The following AHCYL2 variants were observed in gnomAD, a reference collection of about 807,000 sequenced individuals.
The protein encoded by AHCYL2 is S-adenosylhomocysteine hydrolase-like protein 2.
Under a neutral mutation model 81.4 loss-of-function variants are expected in AHCYL2, and 28 were observed. The ratio of observed to expected loss-of-function variants is 0.34; its 90% CI spans 0.25 to 0.47. The LOEUF (loss-of-function observed/expected upper bound fraction) is 0.47. AHCYL2 is among the 20% of genes least tolerant of loss of function. AHCYL2 has a pLI of 1.00. For missense variants in AHCYL2, 551 were observed against 785.1 expected, an observed-to-expected ratio of 0.70 and a Z score of 3.56; for synonymous variants, 272 against 290.2, an observed-to-expected ratio of 0.94 and a Z score of 0.64.
intron 1 of AHCYL2, among the ~76,000 whole-genome samples, chr7:129,304,338 A>C (rs530742546): frequency 2.2e-4 from 34 of 152,336 alleles, no homozygotes; most frequent in African/African-American, 7.7e-4. Flanking sequence ...TGTACTGAGG[A>C]GAAGAATGTG....
intron 1 of AHCYL2, among the ~76,000 whole-genome samples, chr7:129,274,145 G>C (rs1584730899): frequency 6.6e-6 from 1 of 152,206 alleles, no homozygotes. Context: ...TAACTGTTAT[G>C]TGTCTCCTGT....
intron 1 of AHCYL2, among the ~76,000 whole-genome samples, chr7:129,349,990 C>T (rs571055083): frequency 2.6e-5 from 4 of 152,318 alleles, no homozygotes; most frequent in African/African-American, 9.6e-5. Flanking sequence ...CTCAGATGTA[C>T]ATTTAGTTAT....
chr7:129,358,860 A>G (rs1206564737), intron 1 of AHCYL2, among the ~76,000 whole-genome samples: 8 of 152,214 alleles, frequency 5.3e-5, no homozygotes, highest in Admixed American at 3.9e-4. Context: ...GGCTAAAATG[A>G]CAGAGGCCAA....
intron 13 of AHCYL2, 58 bp from the exon 14 acceptor site, chr7:129,424,816 T>A (rs1457729072): frequency 6.3e-7 from 1 of 1,595,090 alleles, no homozygotes; most frequent in Non-Finnish European, 8.6e-7. Flanking sequence ...CTTCCCTCAC[T>A]TCTCAAAGGC....
At chr7:129,303,513 T>A (rs777655825) in intron 1 of AHCYL2, among the ~76,000 whole-genome samples, 9 of 152,236 alleles carry the variant, frequency 5.9e-5, no homozygotes, top group Non-Finnish European at 1.2e-4. Flanking sequence ...GTCTTCTTTT[T>A]CATCTCTGAT....
At chr7:129,290,927 C>T (rs1454031391) in intron 1 of AHCYL2, among the ~76,000 whole-genome samples, 2 of 149,204 alleles carry the variant, frequency 1.3e-5, no homozygotes, top group Non-Finnish European at 3.0e-5. Flanking sequence ...GAGACTCCAT[C>T]TCAAAAAAAA....
intron 2 of AHCYL2, among the ~76,000 whole-genome samples, chr7:129,385,530 CA>C (rs1795162404): frequency 6.6e-6 from 1 of 152,170 alleles, no homozygotes; most frequent in Non-Finnish European, 1.5e-5. Context: ...AATAATGAAA[CA>C]AGATAACATC....
At chr7:129,399,994 G>A (rs1189980291) in intron 5 of AHCYL2, among the ~76,000 whole-genome samples, 2 of 152,108 alleles carry the variant, frequency 1.3e-5, no homozygotes, top group African/African-American at 2.4e-5. Flanking sequence ...CCAAGGTGCT[G>A]GGATTTCAGG....
intron 1 of AHCYL2, among the ~76,000 whole-genome samples, chr7:129,324,625 C>T (rs968630246): frequency 1.3e-5 from 2 of 152,198 alleles, no homozygotes; most frequent in South Asian, 4.1e-4. Context: ...ACGCCATTCT[C>T]CTGCCTCAGC....
intron 1 of AHCYL2, among the ~76,000 whole-genome samples, chr7:129,305,677 A>G (rs1273995798): frequency 6.6e-6 from 1 of 152,164 alleles, no homozygotes; most frequent in Non-Finnish European, 1.5e-5. Flanking sequence ...TCTGTGTACT[A>G]TTACCAGTGA....
At chr7:129,356,758 G>A (rs1373526839) in intron 1 of AHCYL2, among the ~76,000 whole-genome samples, 1 of 152,104 alleles carries the variant, frequency 6.6e-6, no homozygotes, top group Non-Finnish European at 1.5e-5. Context: ...GATTAAGAAG[G>A]GAGGGTCTCT....
intron 1 of AHCYL2, among the ~76,000 whole-genome samples, chr7:129,236,172 G>A (rs71577839): frequency 5.4e-4 from 82 of 151,500 alleles, no homozygotes; most frequent in Non-Finnish European, 4.4e-5. Context: ...ACAGGTACAC[G>A]CTGCCACGCC....
intron 1 of AHCYL2, among the ~76,000 whole-genome samples, chr7:129,277,278 C>CGT (rs35753023): frequency 0.027 from 3,603 of 135,710 alleles, 254 homozygotes; most frequent in East Asian, 0.15. Context: ...AAGTCTCTCT[C>CGT]TTTTTTTTTT....
At chr7:129,288,190 C>G (rs1796705393) in intron 1 of AHCYL2, among the ~76,000 whole-genome samples, 1 of 152,204 alleles carries the variant, frequency 6.6e-6, no homozygotes, top group South Asian at 2.1e-4. Context: ...CATTAGTCCT[C>G]TCTTCTCCCC....
In AHCYL2 at chr7:129,405,172, A is replaced by G. The variant is rs1796241347; in HGVS notation, c.1101A>G (p.Lys367=). ...TCAATGACTCAGTCACCAAACAGAA[A>G]TTTGACAACCTCTACTGTTGCCGTG... ...MNVNDSVTKQ[K]FDNLYCCRES... is the part of the protein sequence containing the mutation. The change falls in exon 8 of 17, where the codon AAA becomes AAG. Residue 367 remains lysine, a synonymous_variant. Transcript: ENST00000325006. 1.2e-6 allele frequency: 2 copies of G among 1,609,996 alleles called. No individual in the cohort carries two copies. Among genetic ancestry groups the G allele is most frequent in the Non-Finnish European group, 1.7e-6 (2 of 1,178,314 alleles).
intron 1 of AHCYL2, among the ~76,000 whole-genome samples, chr7:129,356,457 A>C (rs1393819442): frequency 2.0e-5 from 3 of 152,134 alleles, no homozygotes; most frequent in Non-Finnish European, 4.4e-5. Flanking sequence ...CTCATAATTC[A>C]TTGTGTGTGT....
chr7:129,245,535 A>C (rs1795022395), intron 1 of AHCYL2, among the ~76,000 whole-genome samples: 1 of 152,026 alleles, frequency 6.6e-6, no homozygotes, highest in Admixed American at 6.6e-5. Context: ...GCCCCTGGAA[A>C]TCACCATTCT....
chr7:129,326,876 G>T (rs947786007), intron 1 of AHCYL2, among the ~76,000 whole-genome samples: 2 of 152,112 alleles, frequency 1.3e-5, no homozygotes, highest in Non-Finnish European at 2.9e-5. Flanking sequence ...GACCCTGAGG[G>T]TCAAGGCAAC....
chr7:129,367,622 C>T (rs1166526713), intron 1 of AHCYL2, among the ~76,000 whole-genome samples: 1 of 152,196 alleles, frequency 6.6e-6, no homozygotes, highest in Non-Finnish European at 1.5e-5. Flanking sequence ...CAGCACTAGT[C>T]TTGGTTGGAA....
Sources: allele counts gnomAD v4.1 joint callset (sites outside exome capture counted in the v4.1 genomes callset), GRCh38; gene constraint gnomAD v4.1.1; transcripts MANE v1.5; gene names NCBI Gene and HGNC (gene_info 2026-07-23, HGNC 2026-07-21).